CLEC16A: variants seen among roughly 807,000 people sequenced by gnomAD.
CLEC16A encodes the protein C-type lectin domain containing 16A.
CLEC16A carries 51 observed loss-of-function variants against 109.5 expected under a neutral mutation model. The observed-to-expected ratio is 0.47, with a 90% CI of 0.37 to 0.59. CLEC16A has a LOEUF of 0.59. Among genes scored for constraint, CLEC16A ranks in the 20% least tolerant of loss-of-function variants. CLEC16A has a pLI of 0.00. For synonymous variants in CLEC16A, 673 were observed against 564.2 expected (o/e 1.19, Z -2.73); for missense variants, 1,339 against 1,394.0 (o/e 0.96, Z 0.63).
intron 1 of CLEC16A, among the ~76,000 whole-genome samples, chr16:10,951,123 T>C (rs1487749613): frequency 6.6e-6 from 1 of 152,228 alleles, no homozygotes; most frequent in African/African-American, 2.4e-5. Context: ...CAGATTTGTT[T>C]ACGTCTGTCA....
At chr16:11,135,341 A>T (rs1397362174) in intron 22 of CLEC16A, among the ~76,000 whole-genome samples, 1 of 152,148 alleles carries the variant, frequency 6.6e-6, no homozygotes, top group Non-Finnish European at 1.5e-5. Flanking sequence ...CAGAGAAGGA[A>T]CCGCGTTCCC....
chr16:10,962,311 G>A (rs938670853), intron 2 of CLEC16A, 144 bp from the exon 3 acceptor site: 9 of 818,418 alleles, frequency 1.1e-5, no homozygotes, highest in South Asian at 4.6e-5. Context: ...CAGTTGTGGC[G>A]GGTGACAATG....
intron 23 of CLEC16A, among the ~76,000 whole-genome samples, chr16:11,175,705 A>C (rs1385781913): frequency 6.6e-6 from 1 of 152,194 alleles, no homozygotes; most frequent in African/African-American, 2.4e-5. Context: ...CCTTTTAATA[A>C]AAATTGTTGG....
At chr16:10,948,063 T>TG (rs2041503032) in intron 1 of CLEC16A, among the ~76,000 whole-genome samples, 1 of 152,094 alleles carries the variant, frequency 6.6e-6, no homozygotes, top group African/African-American at 2.4e-5. Context: ...CCAGCTAATT[T>TG]TTTGTATTTT....
intron 11 of CLEC16A, among the ~76,000 whole-genome samples, chr16:11,005,871 T>G (rs991300524): frequency 6.6e-6 from 1 of 152,032 alleles, no homozygotes; most frequent in Non-Finnish European, 1.5e-5. Flanking sequence ...AGCATCTAGG[T>G]TTATTGTGTG....
At chr16:10,978,777 C>T (rs185024004) in intron 8 of CLEC16A, among the ~76,000 whole-genome samples, 10 of 152,328 alleles carry the variant, frequency 6.6e-5, no homozygotes, top group African/African-American at 1.7e-4. Context: ...CATTCAAATT[C>T]TGCCTCTTCC....
At chr16:11,013,242 A>G (rs1377922851) in intron 11 of CLEC16A, among the ~76,000 whole-genome samples, 1 of 152,204 alleles carries the variant, frequency 6.6e-6, no homozygotes, top group Non-Finnish European at 1.5e-5. Context: ...ATGTTATTCA[A>G]AGATCTGCTG....
chr16:10,982,801 C>T (rs1273101621), intron 9 of CLEC16A, 77 bp from the exon 10 acceptor site: 10 of 804,536 alleles, frequency 1.2e-5, no homozygotes, highest in Non-Finnish European at 2.1e-5. Context: ...CCAGCCTGGT[C>T]GCTTCTGATC....
intron 23 of CLEC16A, among the ~76,000 whole-genome samples, chr16:11,171,449 G>T (rs575555960): frequency 1.2e-4 from 18 of 152,220 alleles, no homozygotes; most frequent in Non-Finnish European, 2.6e-4. Context: ...CTTTTGAGAA[G>T]TGTGGTGAGA....
At chr16:11,053,692 A>T (rs954387801) in intron 18 of CLEC16A, among the ~76,000 whole-genome samples, 2 of 152,176 alleles carry the variant, frequency 1.3e-5, no homozygotes, top group Non-Finnish European at 1.5e-5. Context: ...AAATTGATGC[A>T]TGGAGAGGTC....
At chr16:11,087,934 G>A (rs1012541105) in intron 19 of CLEC16A, among the ~76,000 whole-genome samples, 3 of 152,240 alleles carry the variant, frequency 2.0e-5, no homozygotes, top group African/African-American at 2.4e-5. Context: ...CTGTGCAGCC[G>A]CCCTGGGCTC....
In CLEC16A at chr16:10,977,208, G is replaced by T; in HGVS notation, c.729-17G>T. The T allele has an allele frequency of 6.2e-7, 1 of 1,610,752 alleles. No homozygotes were observed. ...TAGTGTTGGCCTCCAGGCTGAGGTGGTCATTTCTCCTGGCAGGCATCGGAA... is the reference window on the plus strand; with the variant it reads ...TAGTGTTGGCCTCCAGGCTGAGGTGTTCATTTCTCCTGGCAGGCATCGGAA... On this transcript the variant is annotated splice_polypyrimidine_tract_variant and intron_variant, in intron 7 of 23. Transcript: ENST00000409790.
chr16:10,963,350 A>G (rs973436771), intron 3 of CLEC16A, among the ~76,000 whole-genome samples: 2 of 152,200 alleles, frequency 1.3e-5, no homozygotes, highest in Non-Finnish European at 1.5e-5. Flanking sequence ...TCAATGTAGG[A>G]ACCTGAGGGA....
intron 23 of CLEC16A, among the ~76,000 whole-genome samples, chr16:11,167,175 C>T (rs1447123870): frequency 1.3e-5 from 2 of 152,154 alleles, no homozygotes; most frequent in African/African-American, 2.4e-5. Flanking sequence ...GTGAGCTATT[C>T]GCTGTGTGAG....
At chr16:11,112,178 G>A (rs565758091) in intron 19 of CLEC16A, among the ~76,000 whole-genome samples, 9 of 152,296 alleles carry the variant, frequency 5.9e-5, no homozygotes, top group African/African-American at 2.2e-4. Flanking sequence ...ATGGAGAGGA[G>A]AACATAGCCC....
At chr16:11,131,473 C>G (rs1294403901) in intron 22 of CLEC16A, among the ~76,000 whole-genome samples, 1 of 152,208 alleles carries the variant, frequency 6.6e-6, no homozygotes, top group Non-Finnish European at 1.5e-5. Context: ...GAGGCTGCTT[C>G]AGGAGGCCGC....
At chr16:11,094,550 C>G (rs548706235) in intron 19 of CLEC16A, among the ~76,000 whole-genome samples, 76 of 152,340 alleles carry the variant, frequency 5.0e-4, no homozygotes, top group Middle Eastern at 3.4e-3. Context: ...CCACCTCCCC[C>G]CCTACAACTT....
intron 19 of CLEC16A, among the ~76,000 whole-genome samples, chr16:11,091,407 C>T (rs2050297380): frequency 1.3e-5 from 2 of 152,212 alleles, no homozygotes; most frequent in Admixed American, 6.5e-5. Flanking sequence ...CAGGTAGAGG[C>T]AAGAGCATGC....
At chr16:11,121,322 G>A (rs1286718254) in intron 20 of CLEC16A, among the ~76,000 whole-genome samples, 2 of 152,138 alleles carry the variant, frequency 1.3e-5, no homozygotes, top group Non-Finnish European at 2.9e-5. Context: ...TTCAGCAGAC[G>A]GTGCTGCCAT....
Sources: gnomAD v4.1 joint callset for allele counts (sites outside exome capture counted in the v4.1 genomes callset) on GRCh38, gnomAD v4.1.1 for gene constraint, MANE v1.5 for transcripts, NCBI Gene and HGNC (gene_info 2026-07-23, HGNC 2026-07-21) for gene names.